KIF6: variants seen among roughly 807,000 people sequenced by gnomAD.
The protein encoded by KIF6 is kinesin-like protein KIF6.
A neutral mutation model predicts 112.7 loss-of-function variants in KIF6; 106 were observed. The ratio of observed to expected loss-of-function variants is 0.94; its 90% CI spans 0.80 to 1.11. KIF6 has a LOEUF of 1.11. KIF6 is among the 50% of genes least tolerant of loss of function. KIF6 has a pLI of 0.00. For synonymous variants in KIF6, 339 were observed against 339.9 expected, an observed-to-expected ratio of 1.00 and a Z score of 0.03; for missense variants, 929 against 964.0, an observed-to-expected ratio of 0.96 and a Z score of 0.48.
At chr6:39,347,561 G>GATC (rs766174596) in intron 19 of KIF6, among the ~76,000 whole-genome samples, 1 of 152,260 alleles carries the variant, frequency 6.6e-6, no homozygotes, top group Non-Finnish European at 1.5e-5. Context: ...GCTGTAAGGA[G>GATC]ATCTTCCTCG....
At chr6:39,445,276 GA>G (rs1276114782) in intron 13 of KIF6, among the ~76,000 whole-genome samples, 4 of 152,174 alleles carry the variant, frequency 2.6e-5, no homozygotes, top group Non-Finnish European at 5.9e-5. Context: ...TTGAGGAGAA[GA>G]AACTCCCATC....
chr6:39,567,600 A>C (rs1409143214), intron 10 of KIF6, among the ~76,000 whole-genome samples: 6 of 150,674 alleles, frequency 4.0e-5, no homozygotes, highest in African/African-American at 1.2e-4. Context: ...TCAATGACAC[A>C]GAAGTGATTT....
chr6:39,652,735 T>A (rs116830273), intron 3 of KIF6, among the ~76,000 whole-genome samples: 102 of 152,260 alleles, frequency 6.7e-4, no homozygotes, highest in African/African-American at 2.4e-3. Flanking sequence ...TATCTCCCAT[T>A]TTAGAGATGA....
At chr6:39,638,856 G>A (rs575133501) in intron 4 of KIF6, among the ~76,000 whole-genome samples, 5 of 152,128 alleles carry the variant, frequency 3.3e-5, no homozygotes, top group African/African-American at 9.6e-5. Flanking sequence ...ACTCATTACG[G>A]GGAATTTGTT....
chr6:39,682,463 T>C (rs1028516007), intron 3 of KIF6, among the ~76,000 whole-genome samples: 5 of 152,212 alleles, frequency 3.3e-5, no homozygotes, highest in Admixed American at 2.0e-4. Flanking sequence ...TATTATAATC[T>C]CATGGGATAA....
chr6:39,673,606 T>C (rs1315915725), intron 3 of KIF6, among the ~76,000 whole-genome samples: 1 of 152,168 alleles, frequency 6.6e-6, no homozygotes, highest in East Asian at 1.9e-4. Flanking sequence ...CTAAGATTAA[T>C]GTCAGAAGAA....
At chr6:39,672,519 C>T (rs1354063893) in intron 3 of KIF6, among the ~76,000 whole-genome samples, 1 of 152,200 alleles carries the variant, frequency 6.6e-6, no homozygotes, top group African/African-American at 2.4e-5. Context: ...TCAGAACCAA[C>T]TCTACTTGAT....
chr6:39,494,645 T>C (rs11751847), intron 13 of KIF6, among the ~76,000 whole-genome samples: 33,716 of 152,086 alleles, frequency 0.22, 4,536 homozygotes, highest in African/African-American at 0.36. Flanking sequence ...GGGTATTTTA[T>C]TCATGGAGAG....
chr6:39,667,567 T>C (rs1344297272), intron 3 of KIF6, among the ~76,000 whole-genome samples: 1 of 152,146 alleles, frequency 6.6e-6, no homozygotes, highest in Non-Finnish European at 1.5e-5. Context: ...TTCCTTAATC[T>C]AGTCAAACTG....
chr6:39,474,899 C>T (rs1774334010), intron 13 of KIF6, among the ~76,000 whole-genome samples: 1 of 152,218 alleles, frequency 6.6e-6, no homozygotes, highest in African/African-American at 2.4e-5. Flanking sequence ...ATATTGATTA[C>T]TCATTTATTC....
intron 13 of KIF6, among the ~76,000 whole-genome samples, chr6:39,451,590 G>T (rs965972721): frequency 6.6e-6 from 1 of 152,064 alleles, no homozygotes; most frequent in Admixed American, 6.5e-5. Context: ...CAGTGGAATC[G>T]ATTACACCTG....
chr6:39,594,199 C>G (rs376517084), intron 7 of KIF6, among the ~76,000 whole-genome samples: 206 of 148,044 alleles, frequency 1.4e-3, no homozygotes, highest in African/African-American at 4.9e-3. Context: ...TTTGCAAAGG[C>G]TTATAGAATT....
chr6:39,669,834 T>C (rs1476248986), intron 3 of KIF6, among the ~76,000 whole-genome samples: 1 of 152,224 alleles, frequency 6.6e-6, no homozygotes, highest in Non-Finnish European at 1.5e-5. Flanking sequence ...GGCTCCTGAA[T>C]ATCTGGGCTT....
intron 14 of KIF6, among the ~76,000 whole-genome samples, chr6:39,423,790 A>G (rs1026573437): frequency 2.0e-5 from 3 of 151,960 alleles, no homozygotes; most frequent in African/African-American, 7.3e-5. Flanking sequence ...AGTCTCAGCC[A>G]TTCTCTATCC....
intron 14 of KIF6, among the ~76,000 whole-genome samples, chr6:39,425,249 CT>C (rs1027831801): frequency 7.9e-5 from 12 of 152,320 alleles, no homozygotes; most frequent in African/African-American, 2.9e-4. Context: ...AATATCTTTC[CT>C]ACTTTTCTTG....
intron 16 of KIF6, among the ~76,000 whole-genome samples, chr6:39,367,664 G>C (rs1207750352): frequency 6.6e-6 from 1 of 152,172 alleles, no homozygotes; most frequent in Non-Finnish European, 1.5e-5. Context: ...GCAAGGACCA[G>C]AGGGGCTCTT....
intron 13 of KIF6, among the ~76,000 whole-genome samples, chr6:39,500,865 C>T (rs944892691): frequency 2.6e-5 from 4 of 151,956 alleles, no homozygotes; most frequent in African/African-American, 9.7e-5. Context: ...GAGGTGGAAG[C>T]CCTCAGAGAA....
At chr6:39,336,599 C>A (rs780716187) in intron 22 of KIF6, 51 bp from the exon 23 acceptor site, 107 of 1,589,986 alleles carry the variant, frequency 6.7e-5, no homozygotes, top group Non-Finnish European at 9.0e-5. Context: ...CAGACACTGA[C>A]TTTTCCCAGG....
intron 6 of KIF6, among the ~76,000 whole-genome samples, chr6:39,601,957 C>T (rs1425243818): frequency 6.6e-6 from 1 of 152,116 alleles, no homozygotes; most frequent in African/African-American, 2.4e-5. Flanking sequence ...GTAACTGTTA[C>T]AGGTATTCTA....
Sources: allele counts gnomAD v4.1 joint callset (sites outside exome capture counted in the v4.1 genomes callset), GRCh38; gene constraint gnomAD v4.1.1; transcripts MANE v1.5; gene names NCBI Gene and HGNC (gene_info 2026-07-23, HGNC 2026-07-21).